Variants in ACACB observed in about 807,000 individuals in gnomAD.
The protein encoded by ACACB is acetyl-CoA carboxylase beta.
In ACACB, 209 loss-of-function variants were observed where a neutral mutation model predicts 278.8. The observed-to-expected ratio is 0.75, with a 90% confidence interval of 0.67 to 0.84. ACACB has a LOEUF of 0.84. ACACB is among the 40% of genes least tolerant of loss of function. The pLI, the probability that ACACB is intolerant of heterozygous loss-of-function variation, is 0.00. For synonymous variants in ACACB, 1,174 were observed against 1,285.6 expected, an observed-to-expected ratio of 0.91 and a Z score of 1.86; for missense variants, 2,850 against 3,269.0, an observed-to-expected ratio of 0.87 and a Z score of 3.13.
intron 41 of ACACB, among the ~76,000 whole-genome samples, chr12:109,250,330 T>C (rs2047060261): frequency 6.6e-6 from 1 of 152,098 alleles, no homozygotes; most frequent in Non-Finnish European, 1.5e-5. Context: ...CATCCATAAA[T>C]ACGTAAGGGT....
rs1383323922 is a variant in ACACB, at chr12:109,116,594, G to C, written c.-120G>C. On this transcript the variant is annotated 5_prime_UTR_variant, in exon 1 of 53. Transcript: ENST00000338432. ...GTGACATTTGCAGTCCCCAGAGTAA[G>C]CAGCTAGCAGGCTTAGATTCAGGCC... 6.6e-6 allele frequency: 1 copy of C among 152,190 alleles called. No individual in the cohort carries two copies. The highest frequency in any genetic ancestry group is 1.5e-5 in the Non-Finnish European group (1 of 68,048). The allele number at this position is 152,190 out of a possible 1,614,324, so 9.4% of individuals were successfully genotyped here. A position where few individuals can be genotyped will look rare whatever the true frequency, so the allele number is the denominator to read the frequency against.
intron 2 of ACACB, among the ~76,000 whole-genome samples, chr12:109,161,239 A>T (rs562314679): frequency 6.6e-6 from 1 of 152,274 alleles, no homozygotes; most frequent in South Asian, 2.1e-4. Flanking sequence ...TTGGTTGAAA[A>T]CAATAAATAA....
chr12:109,140,271 TTTCCTTCCTTCCTTCCTTCCTTCCTTCC>T (rs1192116234), intron 2 of ACACB, among the ~76,000 whole-genome samples: 641 of 40,554 alleles, frequency 0.016, 18 homozygotes, highest in African/African-American at 0.037. Context: ...TCCTTCCTTC[TTTCCTTCCTTCCTTCCTTCCTTCCTTCC>T]TTCCTTCCTT....
At chr12:109,162,386 A>G (rs754824093) in intron 2 of ACACB, among the ~76,000 whole-genome samples, 1 of 152,110 alleles carries the variant, frequency 6.6e-6, no homozygotes, top group Non-Finnish European at 1.5e-5. Flanking sequence ...GGCCATCTGT[A>G]CCACAGAACC....
rs555601076 is a variant in ACACB at position 109,267,004 on chromosome 12, C to T, written c.*642C>T. On this transcript the variant is annotated 3_prime_UTR_variant, in exon 53 of 53. Coordinates refer to ENST00000338432, the MANE Select transcript of ACACB (RefSeq NM_001093.4). ...AACCTCCATCTCCTGTCTCAGCCTC[C>T]TAGATAACTGGGATTACAGGTGCCC... 2 of 151,378 alleles carry T rather than the reference C, an allele frequency of 1.3e-5. No individual in the cohort carries two copies. The highest frequency in any genetic ancestry group is 1.9e-4 in the East Asian group (1 of 5,166). The allele number at this position is 151,378 out of a possible 1,614,324, so 9.4% of individuals were successfully genotyped here.
intron 1 of ACACB, among the ~76,000 whole-genome samples, chr12:109,120,843 C>T (rs2042530870): frequency 1.3e-5 from 2 of 152,216 alleles, no homozygotes; most frequent in Admixed American, 1.3e-4. Context: ...TCTCTCTGTG[C>T]CTCATCTTAT....
At chr12:109,247,250 GA>G (rs1314382211) in intron 39 of ACACB, among the ~76,000 whole-genome samples, 8 of 151,846 alleles carry the variant, frequency 5.3e-5, no homozygotes, top group Non-Finnish European at 1.0e-4. Flanking sequence ...CTACCCCCAA[GA>G]AGACAGAAAA....
At chr12:109,167,272 C>A in intron 3 of ACACB, 1 of 321,910 alleles carries the variant, frequency 3.1e-6, no homozygotes, top group Non-Finnish European at 5.8e-6. Flanking sequence ...ACAATGACAC[C>A]AAAGGAATAA....
At chr12:109,165,502 T>C (rs2043868137) in intron 2 of ACACB, among the ~76,000 whole-genome samples, 1 of 152,184 alleles carries the variant, frequency 6.6e-6, no homozygotes, top group Non-Finnish European at 1.5e-5. Flanking sequence ...TCAATTATCT[T>C]ATGTGTACTG....
At chr12:109,238,242 A>G (rs118191907) in intron 34 of ACACB, among the ~76,000 whole-genome samples, 2,033 of 150,124 alleles carry the variant, frequency 0.014, 16 homozygotes, top group Non-Finnish European at 0.02. Flanking sequence ...TCATTTGAAT[A>G]TATTATTCTT....
At chr12:109,166,577 G>A (rs1205596325) in intron 2 of ACACB, among the ~76,000 whole-genome samples, 1 of 143,480 alleles carries the variant, frequency 7.0e-6, no homozygotes, top group East Asian at 2.2e-4. Context: ...GCTACCCAAG[G>A]AGGTCGAGGC....
intron 1 of ACACB, among the ~76,000 whole-genome samples, chr12:109,118,459 G>A (rs1331548499): frequency 6.7e-6 from 1 of 149,350 alleles, no homozygotes; most frequent in African/African-American, 2.5e-5. Context: ...TGTCACCCAG[G>A]CTGGAGTGCG....
chr12:109,216,795 GC>G lies in ACACB; in HGVS notation c.3442del (p.His1148ThrfsTer6). 1.2e-6 allele frequency: 2 copies of G among 1,614,102 alleles called. No individual in the cohort carries two copies. Among genetic ancestry groups the G allele is most frequent in the Non-Finnish European group, 1.7e-6 (2 of 1,179,996 alleles). ...TCTGTGTGGTGTTTTGTCTCCCCCA[GC>G]CCACTACGACAAGTGTGTGATAAAC... ...YLRVEHHFQQ[A>X]HYDKCVINLR... is the part of the protein sequence containing the mutation. On this transcript the variant is annotated frameshift_variant and splice_region_variant, in exon 24 of 53. Coordinates refer to ENST00000338432, the MANE Select transcript of ACACB (RefSeq NM_001093.4). LOFTEE classifies it high-confidence loss of function.
Position 109,262,984 on chromosome 12 carries a change from T to TATA in ACACB, c.6787+515_6787+516insATA, listed in dbSNP as rs1593741001. The TATA allele has an allele frequency of 1.6e-4, 5 of 32,132 alleles. No homozygotes were observed. The East Asian group carries it at 6.1e-3, about 39-fold the overall frequency. The allele number at this position is 32,132 out of a possible 1,614,324, so 2.0% of individuals were successfully genotyped here. On this transcript the variant is annotated intron_variant, in intron 49 of 52. Transcript: ENST00000338432. The stretch of plus-strand genomic sequence containing the variant: ...TATATATATATATATATATATATAT[T>TATA]GCCATCGTGAATTTATTTCTCAGCA...
chr12:109,222,479 C>A (rs2046198564), intron 24 of ACACB, 28 bp from the exon 25 acceptor site: 1 of 1,604,364 alleles, frequency 6.2e-7, no homozygotes, highest in African/African-American at 1.3e-5. Flanking sequence ...GGAGAAAAGC[C>A]ATTTGGCTTC....
chr12:109,221,492 T>G (rs1045817455), intron 24 of ACACB, among the ~76,000 whole-genome samples: 1 of 152,124 alleles, frequency 6.6e-6, no homozygotes, highest in Non-Finnish European at 1.5e-5. Flanking sequence ...CCAGGCCTGG[T>G]CTCCAGCAGA....
At chr12:109,171,987 C>A (rs1460819672) in intron 5 of ACACB, 73 bp downstream of exon 5, 1 of 1,296,694 alleles carries the variant, frequency 7.7e-7, no homozygotes, top group Non-Finnish European at 1.1e-6. Flanking sequence ...TTCAATTCCA[C>A]AGTTCACAAG....
At chr12:109,196,689 G>C (rs1421263895) in intron 16 of ACACB, among the ~76,000 whole-genome samples, 1 of 152,220 alleles carries the variant, frequency 6.6e-6, no homozygotes, top group Non-Finnish European at 1.5e-5. Context: ...CTCACACAGA[G>C]TGAGAGCTGG....
chr12:109,247,534 A>G, intron 39 of ACACB, 72 bp from the exon 40 acceptor site: 1 of 1,117,644 alleles, frequency 8.9e-7, no homozygotes, highest in Admixed American at 1.9e-5. Flanking sequence ...CGATGTTCAC[A>G]TTAAGAAAAA....
Sources: gnomAD v4.1 joint callset for allele counts (sites outside exome capture counted in the v4.1 genomes callset) on GRCh38, gnomAD v4.1.1 for gene constraint, MANE v1.5 for transcripts, NCBI Gene and HGNC (gene_info 2026-07-23, HGNC 2026-07-21) for gene names.